The following COX15 variants were observed in gnomAD, a reference collection of about 807,000 sequenced individuals.
COX15 encodes heme A synthase COX15.
COX15 carries 51 observed loss-of-function variants against 51.9 expected under a neutral mutation model. The ratio of observed to expected loss-of-function variants is 0.98; its 90% CI spans 0.78 to 1.24. The LOEUF (loss-of-function observed/expected upper bound fraction) is 1.24. Among genes scored for constraint, COX15 ranks in the 50% most tolerant of loss-of-function variants. The pLI is 0.00. For synonymous variants in COX15, 188 were observed against 190.5 expected (o/e 0.99, Z 0.11); for missense variants, 420 against 501.1 (o/e 0.84, Z 1.55).
At chr10:99,730,048 C>T (rs932112688) in intron 1 of COX15, among the ~76,000 whole-genome samples, 3 of 152,170 alleles carry the variant, frequency 2.0e-5, no homozygotes, top group African/African-American at 7.2e-5. Context: ...TTCTCTCTGG[C>T]TTGTACACTT....
chr10:99,699,438 T>C, the COX15 span, among the ~76,000 whole-genome samples: 1 of 152,244 alleles, frequency 6.6e-6, no homozygotes, highest in African/African-American at 2.4e-5. Flanking sequence ...GTTTAAATCA[T>C]TGGTACCTGG....
chr10:99,716,787 A>C, intron 7 of COX15: 1 of 310,128 alleles, frequency 3.2e-6, no homozygotes, highest in Non-Finnish European at 6.4e-6. Flanking sequence ...CTTATCCCTA[A>C]CCATATCTCT....
At chr10:99,708,738 G>T, downstream of COX15, 1 of 741,062 alleles carries the variant, frequency 1.3e-6, no homozygotes, top group Non-Finnish European at 1.6e-6. Flanking sequence ...AAAGCTTCTG[G>T]TCAACCCCCT....
At chr10:99,731,204 C>T (rs367734198) in intron 1 of COX15, among the ~76,000 whole-genome samples, 10 of 152,136 alleles carry the variant, frequency 6.6e-5, no homozygotes, top group Admixed American at 5.9e-4. Context: ...CATCACTCTA[C>T]CTTCAGGTTC....
the COX15 span, chr10:99,705,853 G>A: frequency 2.0e-5 from 3 of 152,188 alleles, no homozygotes; most frequent in African/African-American, 4.8e-5. Context: ...TTAATGAAGC[G>A]AGAGGAAAAG....
intron 4 of COX15, 126 bp downstream of exon 4, chr10:99,726,842 C>T (rs2036965988): frequency 6.6e-6 from 6 of 906,878 alleles, no homozygotes; most frequent in South Asian, 1.5e-5. Flanking sequence ...GCCGAGATCA[C>T]GCGCCACTGC....
At chr10:99,730,664 T>C (rs181780435) in intron 1 of COX15, among the ~76,000 whole-genome samples, 433 of 152,296 alleles carry the variant, frequency 2.8e-3, no homozygotes, top group Non-Finnish European at 5.1e-3. Flanking sequence ...TTATTGCTCT[T>C]AGGCTATAAA....
chr10:99,698,478 G>A, the COX15 span: 1 of 1,530,172 alleles, frequency 6.5e-7, no homozygotes, highest in Non-Finnish European at 8.9e-7. Context: ...TCTTAGACTA[G>A]GTTGAATACA....
intron 2 of COX15, among the ~76,000 whole-genome samples, chr10:99,728,314 G>A (rs954523523): frequency 6.6e-6 from 1 of 152,124 alleles, no homozygotes; most frequent in African/African-American, 2.4e-5. Context: ...TCATCACAAC[G>A]GACCGAAACA....
At chr10:99,698,658 T>C in the COX15 span, 1 of 1,614,200 alleles carries the variant, frequency 6.2e-7, no homozygotes, top group Admixed American at 1.7e-5. Flanking sequence ...AAGAGGAGAC[T>C]GGGTGTCTTG....
chr10:99,705,624 T>C, the COX15 span: 1 of 152,196 alleles, frequency 6.6e-6, no homozygotes. Context: ...TGTATTTGGG[T>C]TGTTTTTAAA....
Position 99,713,204 on chromosome 10 carries a change from A to G in COX15, c.*1383T>C. 1 of 1,391,970 alleles carries G rather than the reference A, an allele frequency of 7.2e-7. No homozygotes were observed. The highest frequency in any genetic ancestry group is 9.4e-7 in the Non-Finnish European group (1 of 1,062,168). 86.2% of individuals were successfully genotyped at this position (1,391,970 alleles called of 1,614,324 possible). A position where few individuals can be genotyped will look rare whatever the true frequency, so the allele number is the denominator to read the frequency against. Reference sequence around the variant, plus strand: ...ATGAATACTACTTGGTTCATATTGAACCTGAGGACAACTAAAATCCCGTCT... The same window carrying G: ...ATGAATACTACTTGGTTCATATTGAGCCTGAGGACAACTAAAATCCCGTCT... On this transcript the variant is annotated 3_prime_UTR_variant, in exon 9 of 9. Coordinates refer to ENST00000016171, the MANE Select transcript of COX15 (RefSeq NM_078470.6).
chr10:99,713,936 A>G lies in COX15; in HGVS notation c.*651T>C. The G allele has an allele frequency of 1.1e-6, 1 of 903,438 alleles. No homozygotes were observed. The highest frequency in any genetic ancestry group is 5.6e-5 in the Admixed American group (1 of 17,756). The allele number at this position is 903,438 out of a possible 1,614,324, so 56.0% of individuals were successfully genotyped here. A position where few individuals can be genotyped will look rare whatever the true frequency, so the allele number is the denominator to read the frequency against. On this transcript the variant is annotated 3_prime_UTR_variant, in exon 9 of 9. Transcript: ENST00000016171. ...GAGTGAGCTGAGATCACGCCATTGTACTCCAGCCTGGGCAACAAGAGTGAA... is the reference window on the plus strand; with the variant it reads ...GAGTGAGCTGAGATCACGCCATTGTGCTCCAGCCTGGGCAACAAGAGTGAA...
chr10:99,709,981 T>C, downstream of COX15: 1 of 985,444 alleles, frequency 1.0e-6, no homozygotes, highest in South Asian at 4.7e-5. Flanking sequence ...AATCCATCAT[T>C]GCTTGCCATT....
At chr10:99,718,545 G>A in intron 6 of COX15, 45 bp from the exon 7 acceptor site, 1 of 1,598,546 alleles carries the variant, frequency 6.3e-7, no homozygotes, top group East Asian at 2.2e-5. Flanking sequence ...AGAGGAAGAA[G>A]AGACCAAATA....
chr10:99,724,266 T>C, intron 4 of COX15, 143 bp from the exon 5 acceptor site: 2 of 906,698 alleles, frequency 2.2e-6, no homozygotes, highest in Non-Finnish European at 1.7e-6. Context: ...CACTGCAATC[T>C]CCGCCTCCCA....
In COX15 at chr10:99,727,098, G is replaced by C. The variant is rs149718203; in HGVS notation, c.452C>G (p.Ser151Ter). The change falls in exon 4 of 9, where the codon TCA (serine) becomes TGA (stop). Residue 151 changes from serine to a stop codon, truncating the protein, a stop_gained. Coordinates refer to ENST00000016171, the MANE Select transcript of COX15 (RefSeq NM_078470.6). LOFTEE classifies it high-confidence loss of function. ...TACAAGGCGACCCCACATTCGGTGT[G>C]AGTACTCCATGTACCAGATGAACTT... The part of the protein sequence containing the change: ...EFKFIWYMEY[S>*]HRMWGRLVGL... 533 of 1,614,074 alleles carry C rather than the reference G, an allele frequency of 3.3e-4. No homozygotes were observed. The highest frequency in any genetic ancestry group is 4.3e-4 in the Non-Finnish European group (508 of 1,180,040).
In COX15 at chr10:99,715,198, C is replaced by T. The variant is rs148403275; in HGVS notation, c.1102-480G>A. On this transcript the variant is annotated intron_variant, in intron 8 of 8. Coordinates refer to ENST00000016171, the MANE Select transcript of COX15 (RefSeq NM_078470.6). ...TGTCTGCCAGGCTGGAGTGCAATGG[C>T]ATGATCTTGGCTCACTGCAACCTCC... 3.2e-3 allele frequency among the ~76,000 whole-genome samples: 490 copies of T among 152,246 alleles called. 3 individuals carry two copies. The highest frequency in any genetic ancestry group is 0.011 in the African/African-American group (467 of 41,542).
chr10:99,722,598 C>T (rs755053665), intron 5 of COX15, among the ~76,000 whole-genome samples: 5 of 151,762 alleles, frequency 3.3e-5, no homozygotes, highest in Non-Finnish European at 5.9e-5. Context: ...TTTGGGAGGC[C>T]GAGGCGGGTG....
Sources: allele counts gnomAD v4.1 joint callset (sites outside exome capture counted in the v4.1 genomes callset), GRCh38; gene constraint gnomAD v4.1.1; transcripts MANE v1.5; gene names NCBI Gene and HGNC (gene_info 2026-07-23, HGNC 2026-07-21).